The following LRRC37A2 variants were observed in gnomAD, a reference collection of about 807,000 sequenced individuals.
LRRC37A2 encodes the protein leucine-rich repeat-containing protein 37A2.
In LRRC37A2, 9 loss-of-function variants were observed where a neutral mutation model predicts 68.8. That is an observed-to-expected ratio of 0.13 (90% CI 0.08 to 0.23). The LOEUF is 0.23. Ranked by LOEUF, LRRC37A2 falls within the 10% of genes least tolerant of loss-of-function variation. The pLI is 1.00. For missense variants in LRRC37A2, 168 were observed against 950.4 expected, an observed-to-expected ratio of 0.18 and a Z score of 10.82; for synonymous variants, 63 against 367.6, an observed-to-expected ratio of 0.17 and a Z score of 9.48.
chr17:46,779,095 ACACACACAC>A, the LRRC37A2 span, among the ~76,000 whole-genome samples: 1 of 120,736 alleles, frequency 8.3e-6, no homozygotes, highest in African/African-American at 2.8e-5. Flanking sequence ...ACACACACAC[ACACACACAC>A]CCCAGCCCAC....
the LRRC37A2 span, among the ~76,000 whole-genome samples, chr17:46,912,193 G>A: frequency 4.7e-3 from 717 of 152,324 alleles, 7 homozygotes; most frequent in African/African-American, 0.015. Context: ...TGGCCCCAAA[G>A]AGCAGCGGGT....
the LRRC37A2 span, among the ~76,000 whole-genome samples, chr17:46,608,775 G>A: frequency 6.9e-6 from 1 of 144,378 alleles, no homozygotes. Context: ...TTGTATTTTA[G>A]TAGAGATGGG....
chr17:46,761,692 A>T, the LRRC37A2 span, among the ~76,000 whole-genome samples: 1 of 152,222 alleles, frequency 6.6e-6, no homozygotes, highest in Non-Finnish European at 1.5e-5. Context: ...GAGGTAGGTC[A>T]GGAGAAATAA....
At chr17:46,516,499 G>A (rs2667811) in intron 2 of LRRC37A2, among the ~76,000 whole-genome samples, 1 of 144,234 alleles carries the variant, frequency 6.9e-6, no homozygotes, top group Non-Finnish European at 1.5e-5. Context: ...TGTTAAATAG[G>A]AGAAAAATGG....
chr17:46,630,247 GC>G, the LRRC37A2 span, among the ~76,000 whole-genome samples: 1 of 36,992 alleles, frequency 2.7e-5, no homozygotes, highest in East Asian at 7.3e-4. Flanking sequence ...GGTGTTGGGG[GC>G]TAAGACTTCA....
chr17:46,948,538 A>T, the LRRC37A2 span: 1 of 152,224 alleles, frequency 6.6e-6, no homozygotes, highest in African/African-American at 2.4e-5. Flanking sequence ...ACCTATTAGG[A>T]CTTGCTCACT....
At chr17:46,873,511 G>A in the LRRC37A2 span, among the ~76,000 whole-genome samples, 1 of 152,128 alleles carries the variant, frequency 6.6e-6, no homozygotes, top group Non-Finnish European at 1.5e-5. Flanking sequence ...ACACAGCTCC[G>A]GGTGGGTCTC....
At chr17:46,773,708 T>C in the LRRC37A2 span, 1 of 1,446,424 alleles carries the variant, frequency 6.9e-7, no homozygotes, top group Non-Finnish European at 9.3e-7. Context: ...GGCTGTCATC[T>C]ATGGTGGTGC....
the LRRC37A2 span, among the ~76,000 whole-genome samples, chr17:47,013,483 G>A: frequency 6.6e-6 from 1 of 152,046 alleles, no homozygotes; most frequent in African/African-American, 2.4e-5. Flanking sequence ...AAAATTTCTG[G>A]TACAACAAGA....
chr17:46,959,502 A>C, the LRRC37A2 span, among the ~76,000 whole-genome samples: 20 of 152,254 alleles, frequency 1.3e-4, no homozygotes, highest in African/African-American at 4.8e-4. Context: ...AGCAAAGGAA[A>C]AGGTTCTTCT....
the LRRC37A2 span, among the ~76,000 whole-genome samples, chr17:46,904,646 C>T: frequency 6.6e-6 from 1 of 152,028 alleles, no homozygotes; most frequent in African/African-American, 2.4e-5. Flanking sequence ...ATGGAGCTCA[C>T]CATCTCTCAT....
chr17:46,937,167 G>A, the LRRC37A2 span: 2 of 152,140 alleles, frequency 1.3e-5, no homozygotes, highest in Non-Finnish European at 2.9e-5. Context: ...GTTGGTTTAG[G>A]AATAAAATGC....
At chr17:46,945,797 A>G in the LRRC37A2 span, among the ~76,000 whole-genome samples, 1 of 152,164 alleles carries the variant, frequency 6.6e-6, no homozygotes, top group Non-Finnish European at 1.5e-5. Context: ...GGAGGGGAGA[A>G]TAATCACTGC....
chr17:46,657,451 G>A, the LRRC37A2 span, among the ~76,000 whole-genome samples: 2 of 151,760 alleles, frequency 1.3e-5, no homozygotes, highest in African/African-American at 4.8e-5. Flanking sequence ...TGACTTTTGG[G>A]TCTTAGTTTC....
the LRRC37A2 span, among the ~76,000 whole-genome samples, chr17:46,814,052 C>G: frequency 6.6e-6 from 1 of 152,210 alleles, no homozygotes; most frequent in African/African-American, 2.4e-5. Flanking sequence ...CAGCTCCTGC[C>G]TCTTTTGACC....
chr17:46,826,388 G>A, the LRRC37A2 span, among the ~76,000 whole-genome samples: 1 of 152,254 alleles, frequency 6.6e-6, no homozygotes, highest in Admixed American at 6.5e-5. Flanking sequence ...ACAGACGTTG[G>A]AGGGCCCTTG....
chr17:46,988,430 A>G, the LRRC37A2 span, among the ~76,000 whole-genome samples: 2 of 152,364 alleles, frequency 1.3e-5, no homozygotes, highest in South Asian at 4.1e-4. Context: ...ACAAATTGCC[A>G]AAATTGCCAA....
At chr17:46,961,355 T>C in the LRRC37A2 span, among the ~76,000 whole-genome samples, 3 of 152,032 alleles carry the variant, frequency 2.0e-5, no homozygotes, top group Non-Finnish European at 4.4e-5. Context: ...CTTGGCAACA[T>C]AGTGAGACCC....
the LRRC37A2 span, among the ~76,000 whole-genome samples, chr17:46,717,194 A>T: frequency 6.6e-6 from 1 of 152,190 alleles, no homozygotes; most frequent in Admixed American, 6.5e-5. Context: ...ATTTGCAACA[A>T]CATGGATGAA....
Sources: gnomAD v4.1 joint callset for allele counts (sites outside exome capture counted in the v4.1 genomes callset) on GRCh38, gnomAD v4.1.1 for gene constraint, MANE v1.5 for transcripts, NCBI Gene and HGNC (gene_info 2026-07-23, HGNC 2026-07-21) for gene names.